The following CFAP221 variants were observed in gnomAD, a reference collection of about 807,000 sequenced individuals.
CFAP221 encodes cilia and flagella associated protein 221.
Under a neutral mutation model 113.1 loss-of-function variants are expected in CFAP221, and 97 were observed. The observed-to-expected ratio is 0.86, with a 90% confidence interval of 0.73 to 1.02. CFAP221 has a LOEUF of 1.02. Among genes scored for constraint, CFAP221 ranks in the 50% least tolerant of loss-of-function variants. The probability of loss-of-function intolerance (pLI) is 0.00; values close to 1 mark genes in which losing one functional copy is unlikely to be tolerated. For synonymous variants in CFAP221, 331 were observed against 354.4 expected (o/e 0.93, Z 0.74); for missense variants, 1,025 against 1,013.4 (o/e 1.01, Z -0.16).
intron 3 of CFAP221, among the ~76,000 whole-genome samples, chr2:119,552,271 CTATT>C (rs984902766): frequency 3.1e-4 from 44 of 142,948 alleles, no homozygotes; most frequent in Admixed American, 7.1e-4. Context: ...GTACACTTTA[CTATT>C]TATTTATTTC....
In CFAP221 at chr2:119,630,620, G is replaced by C. The variant is rs200428550; in HGVS notation, c.1782G>C (p.Lys594Asn). Residue 594 changes from lysine (K) to asparagine (N), a missense_variant, in exon 18 of 24, where the codon AAG becomes AAC. Physicochemically the swap from Lys to Asn is moderately conservative, Grantham distance 94. Coordinates refer to ENST00000413369, the MANE Select transcript of CFAP221 (RefSeq NM_001271049.2). ...GATATCAGCCATTCTCTGTCCACAA[G>C]TCTTCAACAAGTTACAGACCTCAAA... is the stretch of plus-strand genomic sequence containing the variant. ...IKRYQPFSVH[K>N]SSTSYRPQKL... 5.0e-6 allele frequency: 8 copies of C among 1,613,894 alleles called. No homozygotes were observed. The highest frequency in any genetic ancestry group is 6.8e-6 in the Non-Finnish European group (8 of 1,179,890).
Position 119,600,024 on chromosome 2 carries a change from G to A in CFAP221, c.632-1194G>A, listed in dbSNP as rs143033473. ...GAGGGCATGTTTGGGGGGACTGTGC[G>A]AGGCCTCTGCAGGGACAGTGGGAGG... On this transcript the variant is annotated intron_variant, in intron 7 of 23. Coordinates refer to ENST00000413369, the MANE Select transcript of CFAP221 (RefSeq NM_001271049.2). Among the ~76,000 whole-genome samples the A allele has an allele frequency of 1.2e-3, 181 of 152,224 alleles. 1 individual carries two copies. Among genetic ancestry groups the A allele is most frequent in the African/African-American group, 4.1e-3 (171 of 41,542 alleles).
intron 6 of CFAP221, among the ~76,000 whole-genome samples, chr2:119,565,446 T>C (rs1420222372): frequency 6.6e-6 from 1 of 152,242 alleles, no homozygotes; most frequent in African/African-American, 2.4e-5. Flanking sequence ...GCCAGGCTTA[T>C]GAGTTGAGAA....
At chr2:119,559,406 G>A (rs955220842) in intron 3 of CFAP221, among the ~76,000 whole-genome samples, 50 of 152,200 alleles carry the variant, frequency 3.3e-4, no homozygotes, top group South Asian at 1.0e-3. Flanking sequence ...TGTGGGGAGG[G>A]GGCCCTAAAG....
intron 11 of CFAP221, 108 bp from the exon 12 acceptor site, chr2:119,608,394 C>T (rs907934292): frequency 9.5e-6 from 7 of 738,040 alleles, no homozygotes; most frequent in Non-Finnish European, 1.5e-5. Context: ...TCTCCTCCAG[C>T]ATCTCAGGGT....
chr2:119,600,144 T>C (rs954928817), intron 7 of CFAP221, among the ~76,000 whole-genome samples: 3 of 152,190 alleles, frequency 2.0e-5, no homozygotes, highest in Non-Finnish European at 4.4e-5. Flanking sequence ...TACATTCTAG[T>C]TGGGGACAGC....
intron 22 of CFAP221, among the ~76,000 whole-genome samples, chr2:119,649,398 C>T (rs1393629949): frequency 2.0e-5 from 3 of 152,162 alleles, no homozygotes; most frequent in Non-Finnish European, 4.4e-5. Flanking sequence ...TGGGACCTAA[C>T]CTCATTGTAA....
At chr2:119,647,864 T>C (rs1282135602) in intron 22 of CFAP221, among the ~76,000 whole-genome samples, 2 of 152,184 alleles carry the variant, frequency 1.3e-5, no homozygotes, top group Non-Finnish European at 2.9e-5. Flanking sequence ...TACAAACTCA[T>C]CTCTCATTAA....
intron 14 of CFAP221, among the ~76,000 whole-genome samples, chr2:119,625,146 C>T (rs1686207155): frequency 6.6e-6 from 1 of 152,164 alleles, no homozygotes; most frequent in Admixed American, 6.5e-5. Flanking sequence ...GCTCTGAAGG[C>T]AAAGCTCATT....
intron 17 of CFAP221, 105 bp from the exon 18 acceptor site, chr2:119,630,465 G>A (rs1686688175): frequency 1.2e-6 from 1 of 811,500 alleles, no homozygotes; most frequent in Non-Finnish European, 2.0e-6. Flanking sequence ...CATGGTGCTT[G>A]TCTTACTTTT....
At chr2:119,620,185 GA>G (rs1252633228) in intron 14 of CFAP221, among the ~76,000 whole-genome samples, 1 of 152,182 alleles carries the variant, frequency 6.6e-6, no homozygotes, top group East Asian at 1.9e-4. Context: ...TTATCCAGGA[GA>G]ACTTCCCCAA....
chr2:119,611,532 TC>T (rs1472270334), intron 12 of CFAP221, 120 bp from the exon 13 acceptor site: 5 of 744,492 alleles, frequency 6.7e-6, no homozygotes, highest in Admixed American at 2.9e-5. Flanking sequence ...TTTCACCACT[TC>T]CAATGGGAAC....
chr2:119,617,373 C>T (rs1376290170), intron 14 of CFAP221, among the ~76,000 whole-genome samples: 1 of 152,178 alleles, frequency 6.6e-6, no homozygotes, highest in East Asian at 1.9e-4. Flanking sequence ...ATGACATGCT[C>T]AGGGCAGGGA....
chr2:119,638,945 T>TACCAGCCACACCCTCA lies in CFAP221; in HGVS notation c.2133+531_2133+546dup, dbSNP rs566905396. ...AGATTATGAGCTCTCTCCCCACTTC[T>TACCAGCCACACCCTCA]ACCAGCCACACCCTCAACTGCCTCC... On this transcript the variant is annotated intron_variant, in intron 20 of 23. Coordinates refer to ENST00000413369, the MANE Select transcript of CFAP221 (RefSeq NM_001271049.2). 4.3e-3 allele frequency among the ~76,000 whole-genome samples: 650 copies of TACCAGCCACACCCTCA among 152,250 alleles called. 3 individuals are homozygous for TACCAGCCACACCCTCA. The highest frequency in any genetic ancestry group is 6.9e-3 in the Admixed American group (106 of 15,300).
Position 119,587,167 on chromosome 2 carries a change from G to T in CFAP221, c.576G>T (p.Glu192Asp). The T allele has an allele frequency of 6.5e-7, 1 of 1,532,508 alleles. No homozygotes were observed. The highest frequency in any genetic ancestry group is 1.2e-5 in the South Asian group (1 of 83,306). 94.9% of individuals were successfully genotyped at this position (1,532,508 alleles called of 1,614,324 possible). A position where few individuals can be genotyped will look rare whatever the true frequency, so the allele number is the denominator to read the frequency against. The change falls in exon 7 of 24, where the codon GAG becomes GAT. Residue 192 changes from glutamate (E) to aspartate (D), a missense_variant. Glu to Asp is a conservative substitution (Grantham distance 45). Transcript: ENST00000413369. Reference sequence around the variant, plus strand: ...AGTGCAGCTGCCCTGTAGATTTTGAGTTTTATATCACCTTGATTCAGTCTC... The same window carrying T: ...AGTGCAGCTGCCCTGTAGATTTTGATTTTTATATCACCTTGATTCAGTCTC... ...PLQCSCPVDF[E>D]FYITLIQSHQ...
intron 21 of CFAP221, among the ~76,000 whole-genome samples, chr2:119,645,985 A>C (rs1006794159): frequency 6.6e-6 from 1 of 152,200 alleles, no homozygotes; most frequent in Non-Finnish European, 1.5e-5. Flanking sequence ...TCGAGACCCC[A>C]AAAAAGTGCT....
At chr2:119,624,205 T>A (rs1194400583) in intron 14 of CFAP221, among the ~76,000 whole-genome samples, 3 of 151,948 alleles carry the variant, frequency 2.0e-5, no homozygotes, top group African/African-American at 7.3e-5. Flanking sequence ...AAAAAATGGG[T>A]GAAGTATATG....
At chr2:119,588,945 G>A (rs1452511563) in intron 7 of CFAP221, among the ~76,000 whole-genome samples, 2 of 152,076 alleles carry the variant, frequency 1.3e-5, no homozygotes, top group Non-Finnish European at 2.9e-5. Flanking sequence ...AAGGGGAGGT[G>A]GATCCAGGAA....
chr2:119,654,599 T>G (rs1688320043), intron 23 of CFAP221, among the ~76,000 whole-genome samples: 1 of 152,206 alleles, frequency 6.6e-6, no homozygotes, highest in African/African-American at 2.4e-5. Context: ...ACTTTACATA[T>G]TCACTCAAAG....
Sources: allele counts gnomAD v4.1 joint callset (sites outside exome capture counted in the v4.1 genomes callset), GRCh38; gene constraint gnomAD v4.1.1; transcripts MANE v1.5; gene names NCBI Gene and HGNC (gene_info 2026-07-23, HGNC 2026-07-21).